Variants in CORIN observed in about 807,000 individuals in gnomAD.
The protein encoded by CORIN is atrial natriuretic peptide-converting enzyme.
A neutral mutation model predicts 125.3 loss-of-function variants in CORIN; 117 were observed. The observed-to-expected ratio is 0.93, with a 90% CI of 0.80 to 1.09. The LOEUF is 1.09. CORIN is among the 50% of genes least tolerant of loss of function. The pLI, the probability that CORIN is intolerant of heterozygous loss-of-function variation, is 0.00. For synonymous variants in CORIN, 450 were observed against 466.4 expected, an observed-to-expected ratio of 0.96 and a Z score of 0.45; for missense variants, 1,253 against 1,306.7, an observed-to-expected ratio of 0.96 and a Z score of 0.63.
At chr4:47,613,182 C>A (rs1380571999) in intron 19 of CORIN, among the ~76,000 whole-genome samples, 2 of 152,134 alleles carry the variant, frequency 1.3e-5, no homozygotes, top group Admixed American at 6.5e-5. Context: ...CAGGTGAGTG[C>A]AGTGGCTTAC....
intron 4 of CORIN, among the ~76,000 whole-genome samples, chr4:47,745,737 T>C (rs547360424): frequency 1.3e-5 from 2 of 152,318 alleles, no homozygotes; most frequent in East Asian, 3.9e-4. Context: ...ACCCCATTCA[T>C]ACTTCTACAG....
At chr4:47,624,011 CTT>C in intron 17 of CORIN, 63 bp from the exon 18 acceptor site, 1 of 1,394,986 alleles carries the variant, frequency 7.2e-7, no homozygotes, top group Non-Finnish European at 1.0e-6. Context: ...AATTCAAACA[CTT>C]TACCAGTGAA....
At chr4:47,800,093 G>C (rs1176409575) in intron 2 of CORIN, among the ~76,000 whole-genome samples, 1 of 152,022 alleles carries the variant, frequency 6.6e-6, no homozygotes, top group African/African-American at 2.4e-5. Context: ...GTGAGGAGAT[G>C]GGGAGAGATT....
chr4:47,708,803 C>T (rs754229549), intron 5 of CORIN, among the ~76,000 whole-genome samples: 5 of 152,150 alleles, frequency 3.3e-5, no homozygotes, highest in Non-Finnish European at 7.3e-5. Flanking sequence ...TCTCCTACAG[C>T]GAGGAGCCAA....
chr4:47,735,825 C>A (rs977821635), intron 5 of CORIN, among the ~76,000 whole-genome samples: 6 of 151,434 alleles, frequency 4.0e-5, no homozygotes, highest in African/African-American at 1.5e-4. Context: ...GAGGCTGAGA[C>A]ATTCTCCTGA....
At chr4:47,819,177 G>A (rs1732398183) in intron 1 of CORIN, among the ~76,000 whole-genome samples, 2 of 152,244 alleles carry the variant, frequency 1.3e-5, no homozygotes, top group South Asian at 2.1e-4. Flanking sequence ...GGATTTGAGA[G>A]GAGAACACCT....
Position 47,683,317 on chromosome 4 carries a change from A to C in CORIN, c.1021+414T>G, listed in dbSNP as rs180809362. 6.1e-5 allele frequency: 10 copies of C among 164,512 alleles called. No homozygotes were observed. In the East Asian group the frequency reaches 1.8e-3, roughly 29 times the overall value. 10.2% of individuals were successfully genotyped at this position (164,512 alleles called of 1,614,324 possible). A position where few individuals can be genotyped will look rare whatever the true frequency, so the allele number is the denominator to read the frequency against. ...GGTCCCTGTACTATTTGAGGATTAA[A>C]TAAAGGAGGGGACTTCAGTCACATG... On this transcript the variant is annotated intron_variant, in intron 7 of 21. Coordinates refer to ENST00000273857, the MANE Select transcript of CORIN (RefSeq NM_006587.4).
chr4:47,796,033 G>A (rs1731273592), intron 2 of CORIN, among the ~76,000 whole-genome samples: 1 of 152,032 alleles, frequency 6.6e-6, no homozygotes, highest in Admixed American at 6.6e-5. Flanking sequence ...AATTGATGCA[G>A]CCACTATGGA....
At chr4:47,662,971 A>G (rs1358133356) in intron 11 of CORIN, among the ~76,000 whole-genome samples, 1 of 152,238 alleles carries the variant, frequency 6.6e-6, no homozygotes, top group Admixed American at 6.5e-5. Flanking sequence ...AAAGTTCAAT[A>G]GTTGATAACT....
intron 5 of CORIN, among the ~76,000 whole-genome samples, chr4:47,742,663 A>C (rs957830424): frequency 2.0e-5 from 3 of 152,094 alleles, no homozygotes; most frequent in Admixed American, 6.6e-5. Flanking sequence ...ACTGTTGTAA[A>C]GAAATTTTCC....
chr4:47,633,988 CA>C (rs1472255978), intron 16 of CORIN, among the ~76,000 whole-genome samples: 2 of 151,706 alleles, frequency 1.3e-5, no homozygotes, highest in Non-Finnish European at 2.9e-5. Flanking sequence ...TAAATTAATT[CA>C]AAATTCAAAA....
At chr4:47,604,245 T>A (rs536752627) in intron 19 of CORIN, among the ~76,000 whole-genome samples, 1 of 152,346 alleles carries the variant, frequency 6.6e-6, no homozygotes, top group South Asian at 2.1e-4. Context: ...CAAAATTTCT[T>A]CCAATCTCAT....
intron 7 of CORIN, chr4:47,683,428 C>T: frequency 4.3e-6 from 1 of 233,492 alleles, no homozygotes; most frequent in Non-Finnish European, 8.4e-6. Flanking sequence ...TGGCTCTAAC[C>T]AGAGGAGAAA....
chr4:47,790,275 G>C (rs1470254502), intron 2 of CORIN: 1 of 844,598 alleles, frequency 1.2e-6, no homozygotes, highest in Non-Finnish European at 1.4e-6. Context: ...CTCCCCGGCA[G>C]AACCCCCGAC....
At chr4:47,723,320 A>G (rs1432317454) in intron 5 of CORIN, among the ~76,000 whole-genome samples, 1 of 152,192 alleles carries the variant, frequency 6.6e-6, no homozygotes, top group Non-Finnish European at 1.5e-5. Context: ...GAAAGATCCC[A>G]CAGAGCTATG....
intron 1 of CORIN, among the ~76,000 whole-genome samples, chr4:47,823,180 A>G (rs1407905120): frequency 6.6e-6 from 1 of 152,156 alleles, no homozygotes; most frequent in African/African-American, 2.4e-5. Flanking sequence ...AATGGTTTAT[A>G]ATTTGTTACT....
At chr4:47,654,440 A>C (rs1238432026) in intron 12 of CORIN, among the ~76,000 whole-genome samples, 2 of 152,208 alleles carry the variant, frequency 1.3e-5, no homozygotes, top group African/African-American at 4.8e-5. Flanking sequence ...TAGGAAAGAC[A>C]GTCTTGAATC....
chr4:47,715,682 G>T (rs1043010377), intron 5 of CORIN, among the ~76,000 whole-genome samples: 1 of 152,160 alleles, frequency 6.6e-6, no homozygotes, highest in Non-Finnish European at 1.5e-5. Flanking sequence ...TGTCTTTCTG[G>T]TTTGTGTCAG....
intron 4 of CORIN, among the ~76,000 whole-genome samples, chr4:47,749,916 T>C (rs912702762): frequency 1.2e-4 from 18 of 152,332 alleles, no homozygotes; most frequent in African/African-American, 3.6e-4. Flanking sequence ...TCTTCCAAGA[T>C]AATCTACTCC....
Sources: allele counts gnomAD v4.1 joint callset (sites outside exome capture counted in the v4.1 genomes callset), GRCh38; gene constraint gnomAD v4.1.1; transcripts MANE v1.5; gene names NCBI Gene and HGNC (gene_info 2026-07-23, HGNC 2026-07-21).